Variants in SAMD5 observed in about 807,000 individuals in gnomAD.
The protein encoded by SAMD5 is sterile alpha motif domain containing 5.
SAMD5 carries 13 observed loss-of-function variants against 11.3 expected under a neutral mutation model. The observed-to-expected ratio is 1.15, with a 90% CI of 0.75 to 1.83. The LOEUF (loss-of-function observed/expected upper bound fraction) is 1.83. Among genes scored for constraint, SAMD5 ranks in the 40% most tolerant of loss-of-function variants. The pLI is 0.00. For synonymous variants in SAMD5, 129 were observed against 111.3 expected, an observed-to-expected ratio of 1.16 and a Z score of -1.00; for missense variants, 255 against 239.1, an observed-to-expected ratio of 1.07 and a Z score of -0.44.
intron 1 of SAMD5, among the ~76,000 whole-genome samples, chr6:147,644,854 C>T (rs1287335272): frequency 6.6e-6 from 1 of 152,166 alleles, no homozygotes; most frequent in African/African-American, 2.4e-5. Flanking sequence ...TTCATGGAAA[C>T]CCTTGGATTA....
chr6:147,565,854 C>T lies in SAMD5; in HGVS notation c.*1398C>T, dbSNP rs989336741. 153 of 985,220 alleles carry T rather than the reference C, an allele frequency of 1.6e-4. No individual in the cohort carries two copies. Among genetic ancestry groups the T allele is most frequent in the Non-Finnish European group, 1.7e-4 (137 of 829,868 alleles). The allele number at this position is 985,220 out of a possible 1,614,324, so 61.0% of individuals were successfully genotyped here. On this transcript the variant is annotated 3_prime_UTR_variant, in exon 2 of 2. Transcript: ENST00000367474. ...AAGAAGCCATGGCAAAAGATGTTGACGTACAACTGGCTCCTGAGGCTGTCA... is the reference window on the plus strand; with the variant it reads ...AAGAAGCCATGGCAAAAGATGTTGATGTACAACTGGCTCCTGAGGCTGTCA...
At chr6:147,539,201 G>A (rs1165772515) in intron 1 of SAMD5, among the ~76,000 whole-genome samples, 1 of 152,200 alleles carries the variant, frequency 6.6e-6, no homozygotes, top group Admixed American at 6.5e-5. Context: ...TCCAGGAGAA[G>A]ACAGTGCGGT....
chr6:147,564,707 C>A lies in SAMD5; in HGVS notation c.*251C>A, dbSNP rs1341351456. 8.3e-7 allele frequency: 1 copy of A among 1,206,824 alleles called. No individual in the cohort carries two copies. The highest frequency in any genetic ancestry group is 1.0e-6 in the Non-Finnish European group (1 of 965,674). The allele number at this position is 1,206,824 out of a possible 1,614,324, so 74.8% of individuals were successfully genotyped here. A position where few individuals can be genotyped will look rare whatever the true frequency, so the allele number is the denominator to read the frequency against. On this transcript the variant is annotated 3_prime_UTR_variant, in exon 2 of 2. Transcript: ENST00000367474. ...TGAGTTCATTTTTTTAAGAAGATAT[C>A]ATGATGAGATACAGTCTTATGCATT...
chr6:147,511,131 GCTTA>G (rs1323637108), intron 1 of SAMD5, among the ~76,000 whole-genome samples: 1 of 152,238 alleles, frequency 6.6e-6, no homozygotes, highest in African/African-American at 2.4e-5. Flanking sequence ...TGTCACTAGA[GCTTA>G]CTTATTCTTC....
intron 1 of SAMD5, among the ~76,000 whole-genome samples, chr6:147,700,261 G>A (rs569403169): frequency 2.9e-4 from 44 of 152,200 alleles, no homozygotes; most frequent in African/African-American, 1.0e-3. Context: ...CCTGCCTTGC[G>A]TGATCCTAAT....
At chr6:147,546,219 C>T (rs1322095515) in intron 1 of SAMD5, among the ~76,000 whole-genome samples, 3 of 152,068 alleles carry the variant, frequency 2.0e-5, no homozygotes, top group Non-Finnish European at 4.4e-5. Flanking sequence ...TGAAGACTGG[C>T]GCAGGATGAT....
At chr6:147,882,631 T>A in the SAMD5 span, among the ~76,000 whole-genome samples, 1 of 152,348 alleles carries the variant, frequency 6.6e-6, no homozygotes, top group South Asian at 2.1e-4. Context: ...TTGTTATTGT[T>A]ATGTAACCCT....
chr6:147,676,433 A>T (rs536948946), intron 1 of SAMD5, among the ~76,000 whole-genome samples: 21 of 152,298 alleles, frequency 1.4e-4, no homozygotes, highest in African/African-American at 5.1e-4. Flanking sequence ...TTTCCTTCCC[A>T]ACTCTCAGCA....
chr6:147,662,721 A>G (rs2128454579), intron 1 of SAMD5, among the ~76,000 whole-genome samples: 1 of 152,290 alleles, frequency 6.6e-6, no homozygotes, highest in African/African-American at 2.4e-5. Context: ...TTCTCCTAGA[A>G]CAGTAATTCC....
Position 147,586,080 on chromosome 6 carries a change from C to T in SAMD5, c.162+76693C>T, listed in dbSNP as rs150160336. On this transcript the variant is annotated intron_variant, in intron 1 of 1. Transcript: ENST00000566741. ...TTCCTCAAGGATGGCCATTGTAGGG[C>T]GCCATGATTAATTAAGGTATCTGCC... Among the ~76,000 whole-genome samples, 290 of 152,216 alleles carry T rather than the reference C, an allele frequency of 1.9e-3. 1 individual carries two copies. Among genetic ancestry groups the T allele is most frequent in the African/African-American group, 6.6e-3 (274 of 41,540 alleles).
intron 1 of SAMD5, among the ~76,000 whole-genome samples, chr6:147,546,947 T>C (rs1015752967): frequency 6.6e-6 from 1 of 152,170 alleles, no homozygotes; most frequent in Non-Finnish European, 1.5e-5. Context: ...CTTTCTTTCT[T>C]TAGAGTAGTT....
chr6:147,838,760 T>C, the SAMD5 span, among the ~76,000 whole-genome samples: 1 of 152,086 alleles, frequency 6.6e-6, no homozygotes. Flanking sequence ...AGAAACCTTA[T>C]TAAATTAGAA....
the SAMD5 span, among the ~76,000 whole-genome samples, chr6:147,759,621 T>G: frequency 6.6e-6 from 1 of 151,144 alleles, no homozygotes; most frequent in South Asian, 2.1e-4. Flanking sequence ...ATAATAATTT[T>G]TAGCTGAAAA....
the SAMD5 span, among the ~76,000 whole-genome samples, chr6:147,946,563 A>G: frequency 6.6e-6 from 1 of 152,318 alleles, no homozygotes; most frequent in African/African-American, 2.4e-5. Context: ...ACAAGACTTA[A>G]GTAAAAGAAC....
At chr6:147,625,795 CT>C (rs1047619459) in intron 1 of SAMD5, among the ~76,000 whole-genome samples, 1 of 152,198 alleles carries the variant, frequency 6.6e-6, no homozygotes, top group Admixed American at 6.5e-5. Flanking sequence ...CTATCTGGTT[CT>C]TTAGAGAAAG....
chr6:147,923,107 G>T, the SAMD5 span, among the ~76,000 whole-genome samples: 2 of 152,256 alleles, frequency 1.3e-5, no homozygotes, highest in East Asian at 1.9e-4. Context: ...AGCAAATGGG[G>T]TTACCGTCTG....
At chr6:147,823,181 AT>A in the SAMD5 span, among the ~76,000 whole-genome samples, 12 of 152,228 alleles carry the variant, frequency 7.9e-5, no homozygotes, top group South Asian at 2.5e-3. Context: ...ATATTTTGCT[AT>A]TTTTTTGATT....
Position 147,665,228 on chromosome 6 carries a change from G to A in SAMD5, c.163-72089G>A, listed in dbSNP as rs902084784. ...TACAGGGTGCTTCTTTTTTCATTTT[G>A]TATAGACAGGTGTCTTTCCTTTTCA... On this transcript the variant is annotated intron_variant, in intron 1 of 1. Coordinates refer to the SAMD5 transcript ENST00000566741. Among the ~76,000 whole-genome samples, 4 of 152,054 alleles carry A rather than the reference G, an allele frequency of 2.6e-5. No homozygotes were observed. The South Asian group carries it at 8.3e-4, about 32-fold the overall frequency.
the SAMD5 span, among the ~76,000 whole-genome samples, chr6:147,872,298 C>T: frequency 3.3e-5 from 5 of 151,938 alleles, no homozygotes; most frequent in Admixed American, 6.6e-5. Flanking sequence ...GGGTCTTGCT[C>T]TGTTGTCCAG....
Sources: gnomAD v4.1 joint callset for allele counts (sites outside exome capture counted in the v4.1 genomes callset) on GRCh38, gnomAD v4.1.1 for gene constraint, MANE v1.5 for transcripts, NCBI Gene and HGNC (gene_info 2026-07-23, HGNC 2026-07-21) for gene names.